The following MLLT10 variants were observed in gnomAD, a reference collection of about 807,000 sequenced individuals.
MLLT10 encodes protein AF-10.
In MLLT10, 30 loss-of-function variants were observed where a neutral mutation model predicts 129.1. The ratio of observed to expected loss-of-function variants is 0.23; its 90% CI spans 0.17 to 0.32. MLLT10 has a LOEUF of 0.32. Ranked by LOEUF, MLLT10 falls within the 10% of genes least tolerant of loss-of-function variation. MLLT10 has a pLI of 1.00. For synonymous variants in MLLT10, 490 were observed against 446.4 expected (o/e 1.10, Z -1.23); for missense variants, 1,119 against 1,268.3 (o/e 0.88, Z 1.79).
chr10:21,610,395 C>G (rs2044483925), intron 5 of MLLT10, among the ~76,000 whole-genome samples: 1 of 152,118 alleles, frequency 6.6e-6, no homozygotes, highest in African/African-American at 2.4e-5. Context: ...CAGAGTGGAC[C>G]ATCTGTCATA....
At chr10:21,621,654 A>G in intron 8 of MLLT10, among the ~76,000 whole-genome samples, 1 of 93,372 alleles carries the variant, frequency 1.1e-5, no homozygotes, top group Non-Finnish European at 2.0e-5. Flanking sequence ...GCCACGAGGG[A>G]GATGGCAGGG....
rs943664282 is a variant in MLLT10 at position 21,673,673 on chromosome 10, G to A, written c.1375G>A (p.Glu459Lys). ...TAAGCGGGCTCAAACTTCTGGCATA[G>A]AAGAAGAAACTGTAAAGGAAAAGAA... ...GYKRAQTSGI[E>K]EETVKEKKRK... Residue 459 changes from glutamate (E) to lysine (K), a missense_variant, in exon 11 of 23, where the codon GAA becomes AAA. Physicochemically the swap from Glu to Lys is moderately conservative, Grantham distance 56. Around this residue, in one of 5 missense-constraint regions of MLLT10, gnomAD observed 1,004 missense variants for 1,008.7 expected, o/e 1.00. Coordinates refer to ENST00000307729, the MANE Select transcript of MLLT10 (RefSeq NM_001195626.3). The A allele has an allele frequency of 6.2e-7, 1 of 1,613,888 alleles. No individual in the cohort carries two copies.
chr10:21,599,679 T>C (rs1469304191), intron 5 of MLLT10, among the ~76,000 whole-genome samples: 1 of 152,102 alleles, frequency 6.6e-6, no homozygotes, highest in Non-Finnish European at 1.5e-5. Context: ...GTCCTTCCAC[T>C]TCAGCCCTCT....
intron 3 of MLLT10, among the ~76,000 whole-genome samples, chr10:21,558,665 C>T (rs2038394322): frequency 6.6e-6 from 1 of 152,026 alleles, no homozygotes; most frequent in Non-Finnish European, 1.5e-5. Flanking sequence ...GGATTACAGG[C>T]ATGAGTCATT....
chr10:21,740,979 G>A (rs2058780271), intron 22 of MLLT10, among the ~76,000 whole-genome samples: 1 of 152,212 alleles, frequency 6.6e-6, no homozygotes, highest in Non-Finnish European at 1.5e-5. Flanking sequence ...AGGAAGAAGG[G>A]AGGGACTGAG....
Position 21,612,421 on chromosome 10 carries a change from A to T in MLLT10, c.479A>T (p.His160Leu). ...ATGACMTCNKHGCRQAFHVTC... is the reference protein window; with the variant it reads ...ATGACMTCNKLGCRQAFHVTC... ...GGTGCTTGCATGACATGTAATAAACATGGATGTCGACAGGCTTTCCATGTA... is the reference window on the plus strand; with the variant it reads ...GGTGCTTGCATGACATGTAATAAACTTGGATGTCGACAGGCTTTCCATGTA... The change falls in exon 6 of 23, where the codon CAT becomes CTT. Residue 160 changes from histidine to leucine, a missense_variant. His to Leu is a moderately conservative substitution (Grantham distance 99). This residue lies in a region of MLLT10 where 44 missense variants were observed against 114.3 expected (regional missense o/e 0.38). Transcript: ENST00000307729. 1 of 1,612,974 alleles carries T rather than the reference A, an allele frequency of 6.2e-7. No individual in the cohort carries two copies. The highest frequency in any genetic ancestry group is 1.3e-5 in the African/African-American group (1 of 75,002).
At chr10:21,734,263 T>G in intron 20 of MLLT10, 134 bp downstream of exon 20, 1 of 894,296 alleles carries the variant, frequency 1.1e-6, no homozygotes, top group Non-Finnish European at 1.6e-6. Flanking sequence ...TTAAGTATAT[T>G]ATACAGAGTA....
chr10:21,684,978 A>G (rs2053146426), intron 13 of MLLT10, among the ~76,000 whole-genome samples: 1 of 152,012 alleles, frequency 6.6e-6, no homozygotes, highest in African/African-American at 2.4e-5. Flanking sequence ...AGTTGCATTT[A>G]CTTCCTGCAA....
At chr10:21,614,945 T>C (rs1264074251) in intron 7 of MLLT10, 21 bp downstream of exon 7, 1 of 1,550,638 alleles carries the variant, frequency 6.4e-7, no homozygotes, top group South Asian at 1.2e-5. Flanking sequence ...CTCTTGGATT[T>C]AATGAAATGA....
At chr10:21,688,184 C>T (rs1256156360) in intron 13 of MLLT10, among the ~76,000 whole-genome samples, 1 of 152,190 alleles carries the variant, frequency 6.6e-6, no homozygotes, top group Non-Finnish European at 1.5e-5. Context: ...TGAATCTACA[C>T]TCTTTCATTG....
At chr10:21,725,778 T>A (rs2057455038) in intron 14 of MLLT10, among the ~76,000 whole-genome samples, 1 of 139,140 alleles carries the variant, frequency 7.2e-6, no homozygotes, top group Non-Finnish European at 1.5e-5. Flanking sequence ...TGAGACGGAG[T>A]CTCGCTCTGT....
chr10:21,677,815 C>T (rs746140085), intron 11 of MLLT10, among the ~76,000 whole-genome samples: 19 of 152,108 alleles, frequency 1.2e-4, no homozygotes, highest in Admixed American at 5.2e-4. Context: ...TTAGTAATGT[C>T]GAAGATGACC....
chr10:21,611,589 C>T (rs1374188925), intron 5 of MLLT10, among the ~76,000 whole-genome samples: 3 of 152,042 alleles, frequency 2.0e-5, no homozygotes, highest in Non-Finnish European at 2.9e-5. Flanking sequence ...CATTATACAC[C>T]GATACTTACA....
intron 6 of MLLT10, among the ~76,000 whole-genome samples, chr10:21,613,841 G>A (rs2044929772): frequency 1.3e-5 from 2 of 152,084 alleles, no homozygotes; most frequent in South Asian, 2.1e-4. Flanking sequence ...AGAAGGCCGA[G>A]GTTGCAGTGA....
intron 8 of MLLT10, among the ~76,000 whole-genome samples, chr10:21,619,374 G>A (rs1037539474): frequency 1.3e-5 from 2 of 152,026 alleles, no homozygotes; most frequent in African/African-American, 4.8e-5. Context: ...TATAAAAAGC[G>A]CTTACTATAT....
At chr10:21,706,357 T>A (rs375323514) in intron 13 of MLLT10, among the ~76,000 whole-genome samples, 12 of 152,254 alleles carry the variant, frequency 7.9e-5, no homozygotes, top group African/African-American at 2.9e-4. Flanking sequence ...GCTTCGCATA[T>A]GTAAGTTAAT....
chr10:21,677,621 C>G (rs1183090935), intron 11 of MLLT10, among the ~76,000 whole-genome samples: 2 of 152,130 alleles, frequency 1.3e-5, no homozygotes, highest in African/African-American at 4.8e-5. Context: ...GAAAAAAAGT[C>G]TGTACACATT....
chr10:21,722,265 A>G (rs941660265), intron 14 of MLLT10, among the ~76,000 whole-genome samples: 6 of 152,184 alleles, frequency 3.9e-5, no homozygotes, highest in African/African-American at 1.2e-4. Context: ...GAGAGTGTCT[A>G]TTCACAATAG....
At chr10:21,550,891 T>TAATTAAAAATTCTGTGAAAAC (rs11275375) in intron 3 of MLLT10, among the ~76,000 whole-genome samples, 1 of 150,514 alleles carries the variant, frequency 6.6e-6, no homozygotes, top group African/African-American at 2.5e-5. Flanking sequence ...TTTATTCACA[T>TAATTAAAAATTCTGTGAAAAC]AATTAAAAAT....
Sources: allele counts gnomAD v4.1 joint callset (sites outside exome capture counted in the v4.1 genomes callset), GRCh38; gene constraint gnomAD v4.1.1; regional missense constraint gnomAD v4.1.1; transcripts MANE v1.5; gene names NCBI Gene and HGNC (gene_info 2026-07-23, HGNC 2026-07-21).